Variants in MAPT observed in about 807,000 individuals in gnomAD.
The protein encoded by MAPT is microtubule-associated protein tau.
Under a neutral mutation model 67.9 loss-of-function variants are expected in MAPT, and 34 were observed. That is an observed-to-expected ratio of 0.50 (90% CI 0.38 to 0.67). The LOEUF (loss-of-function observed/expected upper bound fraction) is 0.67. MAPT is among the 30% of genes least tolerant of loss of function. The pLI, the probability that MAPT is intolerant of heterozygous loss-of-function variation, is 0.00. For synonymous variants in MAPT, 456 were observed against 464.5 expected, an observed-to-expected ratio of 0.98 and a Z score of 0.23; for missense variants, 881 against 1,115.2, an observed-to-expected ratio of 0.79 and a Z score of 2.99.
intron 1 of MAPT, among the ~76,000 whole-genome samples, chr17:45,899,261 G>T (rs77561671): frequency 0.14 from 21,807 of 152,172 alleles, 2,135 homozygotes; most frequent in Non-Finnish European, 0.22. Context: ...CAGGAATGCT[G>T]TTAAACATCC....
intron 12 of MAPT, among the ~76,000 whole-genome samples, chr17:46,022,516 C>G (rs1012291230): frequency 3.9e-5 from 6 of 152,132 alleles, no homozygotes; most frequent in Admixed American, 3.3e-4. Context: ...CCCTTCACCC[C>G]GCATCCATGG....
At chr17:46,012,676 G>C (rs1217415353) in intron 10 of MAPT, among the ~76,000 whole-genome samples, 2 of 152,012 alleles carry the variant, frequency 1.3e-5, no homozygotes, top group African/African-American at 4.8e-5. Flanking sequence ...CTGCCCTCCA[G>C]GTATCCTGAC....
intron 1 of MAPT, among the ~76,000 whole-genome samples, chr17:45,904,831 A>T (rs1239444665): frequency 1.3e-5 from 2 of 152,166 alleles, no homozygotes; most frequent in Admixed American, 1.3e-4. Context: ...AATGTATCAG[A>T]ATTTAAATCA....
Position 45,996,992 on chromosome 17 carries a change from C to T in MAPT, c.1998+328C>T, listed in dbSNP as rs139898391. 9.8e-5 allele frequency among the ~76,000 whole-genome samples: 15 copies of T among 152,346 alleles called. No individual in the cohort carries two copies. The East Asian group carries it at 2.9e-3, about 29-fold the overall frequency. On this transcript the variant is annotated intron_variant, in intron 9 of 12. Coordinates refer to ENST00000262410, the MANE Select transcript of MAPT (RefSeq NM_001377265.1). This position sits in a 1 kb window ranked among gnomAD's most constrained non-coding sequence, Gnocchi z 4.5. ...GATGGCAGGGCTGTGTCTCCACGGC[C>T]GGAGGCTCTCATAGTCAGGGCACCC...
intron 1 of MAPT, among the ~76,000 whole-genome samples, chr17:45,901,914 C>CTTTTTTTTTTTT (rs55738902): frequency 1.5e-5 from 2 of 132,118 alleles, no homozygotes; most frequent in Non-Finnish European, 3.2e-5. Context: ...AGGGATTTTA[C>CTTTTTTTTTTTT]TTTTTTTTTT....
At chr17:45,981,278 G>A (rs1376252818) in intron 4 of MAPT, among the ~76,000 whole-genome samples, 2 of 152,156 alleles carry the variant, frequency 1.3e-5, no homozygotes, top group Admixed American at 1.3e-4. Context: ...TGTTGCATTG[G>A]GACTAGATGG....
At chr17:45,994,446 C>G (rs1399799547) in intron 8 of MAPT, among the ~76,000 whole-genome samples, 1 of 151,864 alleles carries the variant, frequency 6.6e-6, no homozygotes, top group Non-Finnish European at 1.5e-5. Context: ...AGGCCGAGGC[C>G]CCATCTGTTG....
At position 45,983,484 on chromosome 17, in the gene MAPT, C is replaced by CCT; in HGVS notation, c.907_908dup (p.Gln305ProfsTer61). ...GATGAAGACCGCGACGTCGATGAGT[C>CCT]CTCCCCCCAAGACTCCCCTCCCTCC... is the stretch of plus-strand genomic sequence containing the variant. On this transcript the variant is annotated frameshift_variant, in exon 5 of 13. Transcript: ENST00000262410. LOFTEE classifies it high-confidence loss of function. 6.2e-7 allele frequency: 1 copy of CCT among 1,611,084 alleles called. No individual in the cohort carries two copies. Among genetic ancestry groups the CCT allele is most frequent in the Non-Finnish European group, 8.5e-7 (1 of 1,178,658 alleles).
At chr17:45,898,368 T>C (rs2063402518) in intron 1 of MAPT, 1 of 152,250 alleles carries the variant, frequency 6.6e-6, no homozygotes, top group African/African-American at 2.4e-5. Flanking sequence ...TGCCCATAAA[T>C]TGTTAGAAAA....
intron 9 of MAPT, among the ~76,000 whole-genome samples, chr17:46,008,371 C>G (rs1416815296): frequency 6.6e-6 from 1 of 152,068 alleles, no homozygotes; most frequent in East Asian, 1.9e-4. Context: ...ATTACAGGAG[C>G]CACTGTACCC....
intron 5 of MAPT, chr17:45,985,798 T>C: frequency 5.6e-6 from 5 of 887,768 alleles, no homozygotes; most frequent in Non-Finnish European, 6.7e-6. Flanking sequence ...CAGGTGCCAC[T>C]TTAGGCTTAC....
At chr17:46,021,006 C>T (rs1397637063) in intron 12 of MAPT, among the ~76,000 whole-genome samples, 1 of 152,196 alleles carries the variant, frequency 6.6e-6, no homozygotes, top group Non-Finnish European at 1.5e-5. Flanking sequence ...CTGAGAGACC[C>T]CTGCCCTGGC....
In MAPT at chr17:45,917,919, C is replaced by T. The variant is rs112373385; in HGVS notation, c.-18+23233C>T. ...CTCCCGAGCAGCAAGACTACAGGTGCGCACCACCATGCCCGACTAATTTTT... is the reference window on the plus strand; with the variant it reads ...CTCCCGAGCAGCAAGACTACAGGTGTGCACCACCATGCCCGACTAATTTTT... On this transcript the variant is annotated intron_variant, in intron 1 of 12. Coordinates refer to ENST00000262410, the MANE Select transcript of MAPT (RefSeq NM_001377265.1). Among the ~76,000 whole-genome samples, 767 of 152,172 alleles carry T rather than the reference C, an allele frequency of 5.0e-3. 9 individuals are homozygous for T. The highest frequency in any genetic ancestry group is 0.018 in the African/African-American group (736 of 41,510).
At chr17:45,908,661 G>A (rs1428854444) in intron 1 of MAPT, among the ~76,000 whole-genome samples, 2 of 152,270 alleles carry the variant, frequency 1.3e-5, no homozygotes, top group Non-Finnish European at 2.9e-5. Flanking sequence ...CTGAGGCTGG[G>A]GTTATGCATA....
intron 1 of MAPT, among the ~76,000 whole-genome samples, chr17:45,914,888 AT>A (rs887742506): frequency 2.0e-5 from 3 of 150,806 alleles, no homozygotes; most frequent in Admixed American, 6.6e-5. Context: ...GTGCCCAGCT[AT>A]TTTTTTTAAT....
chr17:45,986,431 T>G (rs1372813454), intron 5 of MAPT, among the ~76,000 whole-genome samples: 1 of 152,216 alleles, frequency 6.6e-6, no homozygotes, highest in Non-Finnish European at 1.5e-5. Context: ...AAATCAGGAC[T>G]GCTGGCAATC....
chr17:45,924,764 G>A (rs1010119437), intron 1 of MAPT, among the ~76,000 whole-genome samples: 6 of 152,244 alleles, frequency 3.9e-5, no homozygotes, highest in African/African-American at 7.2e-5. Flanking sequence ...GCTGCAAACC[G>A]CTGAGGTAGG....
At chr17:46,014,882 C>CAAAAAAA (rs1254513618) in intron 11 of MAPT, among the ~76,000 whole-genome samples, 10 of 127,482 alleles carry the variant, frequency 7.8e-5, no homozygotes, top group African/African-American at 8.5e-5. Context: ...GACTCCGTCT[C>CAAAAAAA]AAAAAAAAAA....
chr17:46,002,920 C>A (rs2075125059), intron 9 of MAPT, among the ~76,000 whole-genome samples: 1 of 151,810 alleles, frequency 6.6e-6, no homozygotes. Context: ...GTAGTTGGGA[C>A]CACAGGCTTG....
Sources: allele counts gnomAD v4.1 joint callset (sites outside exome capture counted in the v4.1 genomes callset), GRCh38; gene constraint gnomAD v4.1.1; non-coding constraint Gnocchi (gnomAD v3.1); transcripts MANE v1.5; gene names NCBI Gene and HGNC (gene_info 2026-07-23, HGNC 2026-07-21).